LCN6: variants seen among roughly 807,000 people sequenced by gnomAD.
The protein encoded by LCN6 is epididymal-specific lipocalin-6.
Under a neutral mutation model 21.4 loss-of-function variants are expected in LCN6, and 20 were observed. That is an observed-to-expected ratio of 0.93 (90% CI 0.66 to 1.36). The LOEUF (loss-of-function observed/expected upper bound fraction) is 1.36. Ranked by LOEUF, LCN6 falls within the 40% of genes most tolerant of loss-of-function variation. The pLI, the probability that LCN6 is intolerant of heterozygous loss-of-function variation, is 0.00. For missense variants in LCN6, 217 were observed against 206.6 expected, an observed-to-expected ratio of 1.05 and a Z score of -0.31; for synonymous variants, 96 against 89.0, an observed-to-expected ratio of 1.08 and a Z score of -0.44.
Position 136,747,421 on chromosome 9 carries a change from C to G in LCN6, c.230+3G>C, listed in dbSNP as rs984421806. On this transcript the variant is annotated splice_donor_region_variant and intron_variant, in intron 2 of 6. Coordinates refer to ENST00000341206, the MANE Select transcript of LCN6 (RefSeq NM_198946.3). ...GAAGGCCTGGCAGGACCCGCCCACT[C>G]ACCCGTGCTGAGAGGACAGCGTCCG... 1 of 1,612,478 alleles carries G rather than the reference C, an allele frequency of 6.2e-7. No individual in the cohort carries two copies. Among genetic ancestry groups the G allele is most frequent in the Non-Finnish European group, 8.5e-7 (1 of 1,179,608 alleles).
chr9:136,747,815 A>G (rs1403409108), intron 1 of LCN6, among the ~76,000 whole-genome samples: 7 of 87,132 alleles, frequency 8.0e-5, no homozygotes, highest in Admixed American at 2.3e-4. Context: ...TCCAGCCTCC[A>G]ACCTTCCAGC....
intron 2 of LCN6, 40 bp from the exon 3 acceptor site, chr9:136,745,954 C>G (rs899996958): frequency 2.5e-5 from 39 of 1,588,018 alleles, no homozygotes; most frequent in Non-Finnish European, 3.2e-5. Flanking sequence ...AGGGTCAAGA[C>G]CCCGGGGCCC....
chr9:136,745,830 G>A lies in LCN6; in HGVS notation c.301+14C>T. On this transcript the variant is annotated intron_variant, in intron 3 of 6. Coordinates refer to ENST00000341206, the MANE Select transcript of LCN6 (RefSeq NM_198946.3). Reference sequence around the variant, plus strand: ...GAAGAACGGCCTGGGTGAGGCCGTGGCCGTCAGACTCACAGGGATTCTCAA... The same window carrying A: ...GAAGAACGGCCTGGGTGAGGCCGTGACCGTCAGACTCACAGGGATTCTCAA... 6.2e-7 allele frequency: 1 copy of A among 1,612,006 alleles called. No individual in the cohort carries two copies. Among genetic ancestry groups the A allele is most frequent in the Non-Finnish European group, 8.5e-7 (1 of 1,178,372 alleles).
At position 136,747,282 on chromosome 9, in the gene LCN6, C is replaced by T. The variant is rs1024575629; in HGVS notation, c.230+142G>A. 1.1e-5 allele frequency: 10 copies of T among 928,346 alleles called. No homozygotes were observed. In the African/African-American group the frequency reaches 1.3e-4, roughly 12 times the overall value. The allele number at this position is 928,346 out of a possible 1,614,324, so 57.5% of individuals were successfully genotyped here. A position where few individuals can be genotyped will look rare whatever the true frequency, so the allele number is the denominator to read the frequency against. On this transcript the variant is annotated intron_variant, in intron 2 of 6. Coordinates refer to ENST00000341206, the MANE Select transcript of LCN6 (RefSeq NM_198946.3). ...GAGGGCTGGTGGCTCTGCACAGAGC[C>T]CAGTGGGAAAAGTGACGGGGGTGCA...
intron 2 of LCN6, among the ~76,000 whole-genome samples, 192 bp downstream of exon 2, chr9:136,747,232 G>A (rs903641444): frequency 2.6e-5 from 4 of 152,190 alleles, no homozygotes; most frequent in African/African-American, 9.7e-5. Context: ...GAGGCCCCAG[G>A]GACACAGATG....
chr9:136,745,691 T>A, intron 3 of LCN6, 153 bp downstream of exon 3: 1 of 715,930 alleles, frequency 1.4e-6, no homozygotes. Flanking sequence ...CAGGGGCTTC[T>A]CTTCACCCTC....
intron 3 of LCN6, 170 bp from the exon 4 acceptor site, chr9:136,745,450 C>T (rs1397836934): frequency 1.8e-5 from 11 of 598,612 alleles, no homozygotes; most frequent in Non-Finnish European, 3.0e-5. Flanking sequence ...CCCCCACCCC[C>T]GACCCCACCT....
At position 136,745,161 on chromosome 9, in the gene LCN6, C is replaced by G. The variant is rs765925738; in HGVS notation, c.412+9G>C. The G allele has an allele frequency of 6.4e-7, 1 of 1,574,402 alleles. No homozygotes were observed. Among genetic ancestry groups the G allele is most frequent in the East Asian group, 2.2e-5 (1 of 44,652 alleles). On this transcript the variant is annotated intron_variant, in intron 4 of 6. Coordinates refer to ENST00000341206, the MANE Select transcript of LCN6 (RefSeq NM_198946.3). ...AGCTCCCTACGTGGGCCCCGCACAG[C>G]ACACTTACTGTACAGCTCCACGGTG...
At chr9:136,745,705 A>G in intron 3 of LCN6, 139 bp downstream of exon 3, 1 of 749,766 alleles carries the variant, frequency 1.3e-6, no homozygotes, top group Admixed American at 2.1e-5. Context: ...CACCCTCAGG[A>G]TGGGCAGCAA....
chr9:136,745,321 T>G, intron 3 of LCN6, 41 bp from the exon 4 acceptor site: 74 of 1,298,046 alleles, frequency 5.7e-5, no homozygotes, highest in Non-Finnish European at 7.4e-5. Context: ...GGGCAGCTGC[T>G]GTATCCATCC....
chr9:136,748,343 G>A (rs1415362020), intron 1 of LCN6, 51 bp downstream of exon 1: 2 of 1,504,168 alleles, frequency 1.3e-6, no homozygotes, highest in Admixed American at 1.9e-5. Flanking sequence ...GGCCTTAAAG[G>A]AGGGGCTGGC....
intron 2 of LCN6, among the ~76,000 whole-genome samples, chr9:136,746,456 G>A (rs1312057094): frequency 6.6e-6 from 1 of 152,148 alleles, no homozygotes; most frequent in African/African-American, 2.4e-5. Flanking sequence ...TCAGTCCCCA[G>A]AGTGAGCAAA....
In LCN6 at chr9:136,745,824, G is replaced by C; in HGVS notation, c.301+20C>G. On this transcript the variant is annotated intron_variant, in intron 3 of 6. Transcript: ENST00000341206. Reference sequence around the variant, plus strand: ...TGCAGGGAAGAACGGCCTGGGTGAGGCCGTGGCCGTCAGACTCACAGGGAT... The same window carrying C: ...TGCAGGGAAGAACGGCCTGGGTGAGCCCGTGGCCGTCAGACTCACAGGGAT... 2 of 1,609,282 alleles carry C rather than the reference G, an allele frequency of 1.2e-6. No individual in the cohort carries two copies. Among genetic ancestry groups the C allele is most frequent in the Non-Finnish European group, 1.7e-6 (2 of 1,175,952 alleles).
At chr9:136,746,945 G>T (rs1235674261) in intron 2 of LCN6, 1 of 153,354 alleles carries the variant, frequency 6.5e-6, no homozygotes, top group Non-Finnish European at 1.5e-5. Context: ...AGCCATGCAT[G>T]TGGTCGGGTG....
rs2131074932 is a variant in LCN6, at chr9:136,744,175, C to G, written c.*49-33G>C. On this transcript the variant is annotated intron_variant, in intron 6 of 6. Transcript: ENST00000341206. This position sits in a 1 kb window ranked among gnomAD's most constrained non-coding sequence, Gnocchi z 4.2. ...CCAAGAGGAGTGTGAGGGGGCCCAG[C>G]CCACCATGGAGGCTCCTCCACACCC... 1 of 155,200 alleles carries G rather than the reference C, an allele frequency of 6.4e-6. No individual in the cohort carries two copies. The highest frequency in any genetic ancestry group is 1.4e-5 in the Non-Finnish European group (1 of 69,842). 9.6% of individuals were successfully genotyped at this position (155,200 alleles called of 1,614,324 possible).
chr9:136,744,299 C>A lies in LCN6; in HGVS notation c.*48+40G>T, dbSNP rs1588300070. 4.6e-6 allele frequency: 1 copy of A among 219,196 alleles called. No individual in the cohort carries two copies. Among genetic ancestry groups the A allele is most frequent in the Non-Finnish European group, 9.2e-6 (1 of 108,254 alleles). 13.6% of individuals were successfully genotyped at this position (219,196 alleles called of 1,614,324 possible). On this transcript the variant is annotated intron_variant, in intron 6 of 6. Transcript: ENST00000341206. This position sits in a 1 kb window ranked among gnomAD's most constrained non-coding sequence, Gnocchi z 4.2. Reference sequence around the variant, plus strand: ...AGGGTGGCCTCCCCCACCCCCTTCCCCCAAGAGAGCCCAGGGTGAGGCTCA... The same window carrying A: ...AGGGTGGCCTCCCCCACCCCCTTCCACCAAGAGAGCCCAGGGTGAGGCTCA...
Position 136,747,514 on chromosome 9 carries a change from A to C in LCN6, c.140T>G (p.Phe47Cys). The C allele has an allele frequency of 6.2e-7, 1 of 1,613,468 alleles. No homozygotes were observed. ...VLAVASREKG[F>C]AMEKDMKNVV... ...GTTCTTCATGTCCTTCTCCATGGCA[A>C]AGCCCTTTTCCCGGGAGGCCACCGC... The change falls in exon 2 of 7, where the codon TTT becomes TGT. Residue 47 changes from phenylalanine (F) to cysteine (C), a missense_variant. Transcript: ENST00000341206.
Position 136,745,168 on chromosome 9 carries a change from A to T in LCN6, c.412+2T>A. ...TACGTGGGCCCCGCACAGCACACTTACTGTACAGCTCCACGGTGTTGAAGG... is the reference window on the plus strand; with the variant it reads ...TACGTGGGCCCCGCACAGCACACTTTCTGTACAGCTCCACGGTGTTGAAGG... On this transcript the variant is annotated splice_donor_variant, in intron 4 of 6. Transcript: ENST00000341206. LOFTEE classifies it high-confidence loss of function. The T allele has an allele frequency of 6.3e-7, 1 of 1,590,842 alleles. No homozygotes were observed. The highest frequency in any genetic ancestry group is 1.1e-5 in the South Asian group (1 of 90,638).
Position 136,744,443 on chromosome 9 carries a change from T to C in LCN6, c.*23-79A>G. The C allele has an allele frequency of 2.0e-6, 1 of 500,402 alleles. No homozygotes were observed. 31.0% of individuals were successfully genotyped at this position (500,402 alleles called of 1,614,324 possible). On this transcript the variant is annotated intron_variant, in intron 5 of 6. Transcript: ENST00000341206. This position sits in a 1 kb window ranked among gnomAD's most constrained non-coding sequence, Gnocchi z 4.2. ...CAGGGCCCCACCCACAAGACTCGCC[T>C]GCCGTGGGGACAAGACCCCCAGGCC...
Sources: gnomAD v4.1 joint callset for allele counts (sites outside exome capture counted in the v4.1 genomes callset) on GRCh38, gnomAD v4.1.1 for gene constraint, Gnocchi (gnomAD v3.1) non-coding constraint, MANE v1.5 for transcripts, NCBI Gene and HGNC (gene_info 2026-07-23, HGNC 2026-07-21) for gene names.